Variants in VMP1 observed in about 807,000 individuals in gnomAD.
The protein encoded by VMP1 is ectopic P-granules autophagy protein 3 homolog.
A neutral mutation model predicts 56.0 loss-of-function variants in VMP1; 11 were observed. The ratio of observed to expected loss-of-function variants is 0.20; its 90% CI spans 0.12 to 0.32. The LOEUF is 0.32. Among genes scored for constraint, VMP1 ranks in the 10% least tolerant of loss-of-function variants. The pLI is 1.00. For missense variants in VMP1, 296 were observed against 490.3 expected (o/e 0.60, Z 3.74); for synonymous variants, 149 against 165.0 (o/e 0.90, Z 0.74).
At chr17:59,807,880 G>T (rs539081054) in intron 7 of VMP1, among the ~76,000 whole-genome samples, 1 of 150,874 alleles carries the variant, frequency 6.6e-6, no homozygotes, top group Non-Finnish European at 1.5e-5. Flanking sequence ...AGTGGAAGAG[G>T]TTCTATGATA....
At chr17:59,779,454 T>G (rs2036742928) in intron 7 of VMP1, among the ~76,000 whole-genome samples, 1 of 152,228 alleles carries the variant, frequency 6.6e-6, no homozygotes, top group Non-Finnish European at 1.5e-5. Flanking sequence ...GCAGTTCTGC[T>G]GAAGAGCTCT....
chr17:59,793,612 A>ATG (rs2037317131), intron 7 of VMP1, among the ~76,000 whole-genome samples: 2 of 114,746 alleles, frequency 1.7e-5, no homozygotes, highest in African/African-American at 5.2e-5. Context: ...ACGCGTGCGC[A>ATG]TGTGTGTGTG....
At chr17:59,826,270 C>T (rs2038643416) in intron 10 of VMP1, among the ~76,000 whole-genome samples, 1 of 152,158 alleles carries the variant, frequency 6.6e-6, no homozygotes, top group South Asian at 2.1e-4. Context: ...AAGGTTAAAA[C>T]AGGAGTTCTG....
At chr17:59,721,363 G>T (rs2034390298) in intron 1 of VMP1, among the ~76,000 whole-genome samples, 1 of 152,094 alleles carries the variant, frequency 6.6e-6, no homozygotes, top group African/African-American at 2.4e-5. Flanking sequence ...GAAAAATAAG[G>T]ATGGGGATAT....
intron 7 of VMP1, among the ~76,000 whole-genome samples, chr17:59,776,453 A>G (rs1420162373): frequency 6.6e-6 from 1 of 152,244 alleles, no homozygotes; most frequent in Non-Finnish European, 1.5e-5. Context: ...GCTAATAATT[A>G]TTACAAATAT....
chr17:59,790,166 T>C (rs1318336200), intron 7 of VMP1, among the ~76,000 whole-genome samples: 1 of 152,146 alleles, frequency 6.6e-6, no homozygotes, highest in Non-Finnish European at 1.5e-5. Context: ...TTCTTGCTTA[T>C]TATTTAAGGA....
At chr17:59,836,640 C>A (rs989505156) in intron 10 of VMP1, among the ~76,000 whole-genome samples, 1 of 151,324 alleles carries the variant, frequency 6.6e-6, no homozygotes, top group Non-Finnish European at 1.5e-5. Context: ...TGTGTGTGTG[C>A]GCACACATGT....
At chr17:59,716,438 C>T (rs2034154512) in intron 1 of VMP1, among the ~76,000 whole-genome samples, 1 of 152,194 alleles carries the variant, frequency 6.6e-6, no homozygotes. Flanking sequence ...ACAAGCTAAA[C>T]TTCTGGGACT....
At chr17:59,738,549 T>C (rs569221378) in intron 4 of VMP1, among the ~76,000 whole-genome samples, 1 of 152,344 alleles carries the variant, frequency 6.6e-6, no homozygotes, top group African/African-American at 2.4e-5. Flanking sequence ...ATTATCTTAT[T>C]CATAATTTGC....
chr17:59,722,361 C>T (rs1400175562), intron 1 of VMP1, among the ~76,000 whole-genome samples: 2 of 152,218 alleles, frequency 1.3e-5, no homozygotes, highest in African/African-American at 2.4e-5. Context: ...ACTTCTGCTG[C>T]ACTGTGCTGG....
At chr17:59,765,984 A>T (rs932167344) in intron 6 of VMP1, among the ~76,000 whole-genome samples, 1 of 151,820 alleles carries the variant, frequency 6.6e-6, no homozygotes, top group African/African-American at 2.4e-5. Flanking sequence ...GGTAAATGTC[A>T]TATGTCTTAC....
intron 7 of VMP1, among the ~76,000 whole-genome samples, chr17:59,801,428 ATTAG>A (rs1015591108): frequency 6.6e-6 from 1 of 150,552 alleles, no homozygotes; most frequent in Non-Finnish European, 1.5e-5. Flanking sequence ...TTTTTTTTTA[ATTAG>A]TTATAGAGAC....
chr17:59,721,641 T>C (rs2034400115), intron 1 of VMP1, among the ~76,000 whole-genome samples: 1 of 151,904 alleles, frequency 6.6e-6, no homozygotes, highest in Non-Finnish European at 1.5e-5. Context: ...CCCAGCACTT[T>C]GGGAGGCTGA....
chr17:59,737,418 CTG>C, intron 3 of VMP1, 33 bp from the exon 4 acceptor site: 1 of 1,582,172 alleles, frequency 6.3e-7, no homozygotes, highest in Non-Finnish European at 8.6e-7. Flanking sequence ...GAAAGTGAGA[CTG>C]TGAGATATTT....
intron 7 of VMP1, 116 bp downstream of exon 7, chr17:59,774,001 A>G: frequency 9.9e-7 from 1 of 1,012,630 alleles, no homozygotes; most frequent in Non-Finnish European, 1.3e-6. Context: ...AAAAAAAAAA[A>G]AGAAAGAAAA....
intron 7 of VMP1, among the ~76,000 whole-genome samples, chr17:59,792,416 A>G (rs2144126086): frequency 6.6e-6 from 1 of 152,286 alleles, no homozygotes; most frequent in South Asian, 2.1e-4. Context: ...TGAATTCCAT[A>G]CAGACTTAGT....
At chr17:59,729,813 G>A (rs1271501900) in intron 1 of VMP1, 1 of 151,352 alleles carries the variant, frequency 6.6e-6, no homozygotes, top group Non-Finnish European at 1.5e-5. Context: ...AGCCTCCCGA[G>A]TAGCTGGGAT....
chr17:59,811,853 A>C, intron 9 of VMP1, 67 bp downstream of exon 9: 289 of 1,100,942 alleles, frequency 2.6e-4, no homozygotes, highest in Middle Eastern at 4.0e-4. Context: ...AAACATGCTC[A>C]TTCCTAAGTG....
chr17:59,812,477 T>A (rs954615942), intron 9 of VMP1, among the ~76,000 whole-genome samples: 2 of 152,144 alleles, frequency 1.3e-5, no homozygotes, highest in Non-Finnish European at 2.9e-5. Context: ...GAGAAAAGGT[T>A]AACAATTTAA....
Sources: allele counts gnomAD v4.1 joint callset (sites outside exome capture counted in the v4.1 genomes callset), GRCh38; gene constraint gnomAD v4.1.1; transcripts MANE v1.5; gene names NCBI Gene and HGNC (gene_info 2026-07-23, HGNC 2026-07-21).